BAZ2B: variants seen among roughly 807,000 people sequenced by gnomAD.
BAZ2B encodes bromodomain adjacent to zinc finger domain 2B.
In BAZ2B, 91 loss-of-function variants were observed where a neutral mutation model predicts 246.0. The observed-to-expected ratio is 0.37, with a 90% confidence interval of 0.31 to 0.44. The LOEUF is 0.44. BAZ2B is among the 20% of genes least tolerant of loss of function. The pLI is 1.00. For missense variants in BAZ2B, 2,332 were observed against 2,533.7 expected, an observed-to-expected ratio of 0.92 and a Z score of 1.71; for synonymous variants, 855 against 860.0, an observed-to-expected ratio of 0.99 and a Z score of 0.10.
Position 159,395,765 on chromosome 2 carries a change from T to C in BAZ2B, c.3075+4A>G. ...GTAATATTTTTCTAGAAACATACAC[T>C]TACTTCTGCTTTTTTACGAGCTTCC... is the stretch of plus-strand genomic sequence containing the variant. On this transcript the variant is annotated splice_donor_region_variant and intron_variant, in intron 20 of 36. Coordinates refer to ENST00000392783, the MANE Select transcript of BAZ2B (RefSeq NM_013450.4). 6.2e-7 allele frequency: 1 copy of C among 1,604,898 alleles called. No individual in the cohort carries two copies. The highest frequency in any genetic ancestry group is 8.5e-7 in the Non-Finnish European group (1 of 1,173,162).
At chr2:159,587,345 G>C (rs762919706) in intron 1 of BAZ2B, among the ~76,000 whole-genome samples, 8 of 152,076 alleles carry the variant, frequency 5.3e-5, no homozygotes, top group Non-Finnish European at 1.0e-4. Context: ...CTCCCAAAGC[G>C]CTGGGATTAC....
intron 2 of BAZ2B, among the ~76,000 whole-genome samples, chr2:159,538,444 C>T (rs528819760): frequency 6.6e-6 from 1 of 152,282 alleles, no homozygotes; most frequent in South Asian, 2.1e-4. Flanking sequence ...CTAGATTTAA[C>T]TTTCTAAGAG....
intron 2 of BAZ2B, among the ~76,000 whole-genome samples, chr2:159,519,418 G>C (rs1478192487): frequency 6.8e-6 from 1 of 147,354 alleles, no homozygotes; most frequent in Non-Finnish European, 1.5e-5. Context: ...TTTTAGTAGA[G>C]ACGGGGTTTC....
chr2:159,348,850 A>T lies in BAZ2B; in HGVS notation c.5138-17T>A. ...ACTGCATTTCTAAGTCAAGATAAAT[A>T]AGTAGAACTTTTACAAATATTTTGA... On this transcript the variant is annotated splice_polypyrimidine_tract_variant and intron_variant, in intron 29 of 36. Coordinates refer to ENST00000392783, the MANE Select transcript of BAZ2B (RefSeq NM_013450.4). 2.5e-6 allele frequency: 4 copies of T among 1,579,360 alleles called. No homozygotes were observed. The highest frequency in any genetic ancestry group is 3.4e-6 in the Non-Finnish European group (4 of 1,170,566).
chr2:159,386,202 TGTA>T (rs2149544060), intron 22 of BAZ2B, 148 bp downstream of exon 22: 4 of 897,476 alleles, frequency 4.5e-6, no homozygotes, highest in Non-Finnish European at 6.5e-6. Flanking sequence ...TTGTATGAAG[TGTA>T]ACCTGACACA....
intron 31 of BAZ2B, among the ~76,000 whole-genome samples, chr2:159,346,524 G>T (rs188848405): frequency 1.5e-4 from 23 of 152,140 alleles, no homozygotes; most frequent in African/African-American, 5.1e-4. Flanking sequence ...GGCCAACGTG[G>T]CAAAACCCCA....
At chr2:159,340,127 T>C (rs2066383444) in intron 31 of BAZ2B, among the ~76,000 whole-genome samples, 1 of 149,402 alleles carries the variant, frequency 6.7e-6, no homozygotes, top group Non-Finnish European at 1.5e-5. Context: ...AAGTAAAAAA[T>C]ACAAGACTAG....
the BAZ2B span, among the ~76,000 whole-genome samples, chr2:159,683,033 T>C: frequency 2.0e-5 from 3 of 152,008 alleles, no homozygotes; most frequent in Non-Finnish European, 4.4e-5. Flanking sequence ...CGGAGTGCAT[T>C]TCCCCCATGG....
intron 1 of BAZ2B, among the ~76,000 whole-genome samples, chr2:159,568,827 C>G (rs912260173): frequency 2.6e-5 from 4 of 152,128 alleles, no homozygotes; most frequent in Non-Finnish European, 5.9e-5. Flanking sequence ...AACAATAATA[C>G]TGGGAGAAGA....
intron 1 of BAZ2B, among the ~76,000 whole-genome samples, chr2:159,571,683 T>C (rs1016180087): frequency 6.6e-6 from 1 of 152,214 alleles, no homozygotes; most frequent in Non-Finnish European, 1.5e-5. Context: ...GGGTAGTTTA[T>C]AAATAATAGC....
intron 3 of BAZ2B, among the ~76,000 whole-genome samples, chr2:159,456,587 GA>G (rs1391882652): frequency 6.6e-6 from 1 of 152,030 alleles, no homozygotes; most frequent in African/African-American, 2.4e-5. Flanking sequence ...AGATTCAAAT[GA>G]AAAAAATATA....
rs1361730776 is a variant in BAZ2B, at chr2:159,447,060, T to G, written c.503-85A>C. ...AAGTACAGATATATGTACAGTTGGA[T>G]GAACTTGAAAATATGATAAGTGAAA... On this transcript the variant is annotated intron_variant, in intron 5 of 36. Coordinates refer to ENST00000392783, the MANE Select transcript of BAZ2B (RefSeq NM_013450.4). 3 of 933,722 alleles carry G rather than the reference T, an allele frequency of 3.2e-6. No individual in the cohort carries two copies. In the African/African-American group the frequency reaches 5.1e-5, roughly 16 times the overall value. The allele number at this position is 933,722 out of a possible 1,614,324, so 57.8% of individuals were successfully genotyped here. A position where few individuals can be genotyped will look rare whatever the true frequency, so the allele number is the denominator to read the frequency against.
At chr2:159,576,477 C>A (rs1192547977) in intron 1 of BAZ2B, among the ~76,000 whole-genome samples, 2 of 147,698 alleles carry the variant, frequency 1.4e-5, no homozygotes, top group African/African-American at 2.5e-5. Context: ...CAGAGAAATG[C>A]AAATTTGAAC....
chr2:159,698,515 C>T, the BAZ2B span, among the ~76,000 whole-genome samples: 7 of 130,508 alleles, frequency 5.4e-5, no homozygotes, highest in South Asian at 1.7e-3. Context: ...CACCATCCCA[C>T]AAAAAAAAAA....
intron 1 of BAZ2B, among the ~76,000 whole-genome samples, chr2:159,614,340 T>C (rs1019577923): frequency 2.0e-5 from 3 of 152,194 alleles, no homozygotes; most frequent in Admixed American, 6.5e-5. Context: ...TTAAAATCAA[T>C]TCTGCCTCTT....
At chr2:159,374,597 AT>A (rs2061220987) in intron 26 of BAZ2B, 93 bp downstream of exon 26, 1 of 1,089,502 alleles carries the variant, frequency 9.2e-7, no homozygotes, top group African/African-American at 1.6e-5. Flanking sequence ...CCAAAAGCCT[AT>A]TTTTGCTTAG....
chr2:159,456,474 G>A (rs2075786939), intron 3 of BAZ2B, among the ~76,000 whole-genome samples: 1 of 151,970 alleles, frequency 6.6e-6, no homozygotes, highest in Admixed American at 6.6e-5. Context: ...AAGAACCAAT[G>A]ATACATACTT....
At chr2:159,411,896 G>A in intron 14 of BAZ2B, 1 of 969,416 alleles carries the variant, frequency 1.0e-6, no homozygotes, top group Middle Eastern at 5.3e-4. Context: ...TAAAAGACTG[G>A]GGTTACTTAC....
upstream of BAZ2B, among the ~76,000 whole-genome samples, chr2:159,617,472 AT>A (rs78643237): frequency 0.13 from 19,042 of 147,686 alleles, 1,274 homozygotes; most frequent in Middle Eastern, 0.2. Context: ...GAAGATACGT[AT>A]TTTTTTTTTT....
Sources: allele counts gnomAD v4.1 joint callset (sites outside exome capture counted in the v4.1 genomes callset), GRCh38; gene constraint gnomAD v4.1.1; transcripts MANE v1.5; gene names NCBI Gene and HGNC (gene_info 2026-07-23, HGNC 2026-07-21).